ZNF208: variants seen among roughly 807,000 people sequenced by gnomAD.
ZNF208 encodes the protein zinc finger protein 95.
Under a neutral mutation model 12.1 loss-of-function variants are expected in ZNF208, and 10 were observed. The ratio of observed to expected loss-of-function variants is 0.83; its 90% confidence interval spans 0.51 to 1.40. The LOEUF (loss-of-function observed/expected upper bound fraction) is 1.40. Among genes scored for constraint, ZNF208 ranks in the 40% most tolerant of loss-of-function variants. The pLI, the probability that ZNF208 is intolerant of heterozygous loss-of-function variation, is 0.00. For missense variants in ZNF208, 1,652 were observed against 1,485.0 expected (o/e 1.11, Z -1.85); for synonymous variants, 497 against 488.4 (o/e 1.02, Z -0.23).
At chr19:21,975,823 CAAAAAAA>C (rs532995268) in intron 3 of ZNF208, among the ~76,000 whole-genome samples, 12 of 26,432 alleles carry the variant, frequency 4.5e-4, no homozygotes, top group African/African-American at 1.3e-3. Flanking sequence ...AGTCAAAGTC[CAAAAAAA>C]AAAAAAAAAA....
At position 21,972,275 on chromosome 19, in the gene ZNF208, T is replaced by G. The variant is rs1327149334; in HGVS notation, c.2759A>C (p.Glu920Ala). The G allele has an allele frequency of 6.2e-7, 1 of 1,613,860 alleles. No homozygotes were observed. Among genetic ancestry groups the G allele is most frequent in the South Asian group, 1.1e-5 (1 of 91,026 alleles). ...IHTGEKPYKCEECGKAFSWLS... is the reference protein window; with the variant it reads ...IHTGEKPYKCAECGKAFSWLS... ...CCAGCTGAAGGCTTTGCCACATTCT[T>G]CACATTTGTAGGGTTTCTCTCCAGT... is the stretch of plus-strand genomic sequence containing the variant. Residue 920 changes from glutamate to alanine, a missense_variant, in exon 4 of 4, where the codon GAA becomes GCA. Glu to Ala is a moderately radical substitution (Grantham distance 107). Around this residue, in one of 3 missense-constraint regions of ZNF208, gnomAD observed 1,239 missense variants for 1,086.2 expected, o/e 1.14. Transcript: ENST00000397126.
rs1055214903 is a variant in ZNF208, at chr19:21,972,194, C to A, written c.2840G>T (p.Cys947Phe). The A allele has an allele frequency of 6.2e-7, 1 of 1,613,082 alleles. No homozygotes were observed. Among genetic ancestry groups the A allele is most frequent in the East Asian group, 2.2e-5 (1 of 44,800 alleles). ...KTHAGEKFYK[C>F]EACGKAYKSS... is the part of the protein sequence containing the mutation. ...CTTATAGGCTTTGCCACATGCTTCACATTTGTAGAATTTCTCTCCAGCATG... is the reference window on the plus strand; with the variant it reads ...CTTATAGGCTTTGCCACATGCTTCAAATTTGTAGAATTTCTCTCCAGCATG... Residue 947 changes from cysteine (C) to phenylalanine (F), a missense_variant, in exon 4 of 4, where the codon TGT (cysteine) becomes TTT (phenylalanine). Around this residue, in one of 3 missense-constraint regions of ZNF208, gnomAD observed 1,239 missense variants for 1,086.2 expected, o/e 1.14. Coordinates refer to ENST00000397126, the MANE Select transcript of ZNF208 (RefSeq NM_007153.3).
In ZNF208 at chr19:21,974,473, G is replaced by A. The variant is rs764605989; in HGVS notation, c.561C>T (p.His187=). The change falls in exon 4 of 4, where the codon CAC becomes CAT. Residue 187 remains histidine, a synonymous_variant. Transcript: ENST00000397126. Reference sequence around the variant, plus strand: ...TATAAATTCTTTTATGTTGAGATAGGTGTGAAAGCATGCAAAATGATCTGA... The same window carrying A: ...TATAAATTCTTTTATGTTGAGATAGATGTGAAAGCATGCAAAATGATCTGA... The part of the protein sequence containing the change: ...EYVRSFCMLS[H]LSQHKRIYTR... 2 of 1,613,678 alleles carry A rather than the reference G, an allele frequency of 1.2e-6. No individual in the cohort carries two copies. Among genetic ancestry groups the A allele is most frequent in the Admixed American group, 3.3e-5 (2 of 59,960 alleles).
chr19:21,971,079 T>A lies in ZNF208; in HGVS notation c.*112A>T. 1 of 1,612,958 alleles carries A rather than the reference T, an allele frequency of 6.2e-7. No homozygotes were observed. Among genetic ancestry groups the A allele is most frequent in the Non-Finnish European group, 8.5e-7 (1 of 1,179,388 alleles). ...TGTTCCATAAGGTTTGAGGACCAGT[T>A]GAAAGCCTCACCACATTCTTCACAT... On this transcript the variant is annotated 3_prime_UTR_variant, in exon 4 of 4. Coordinates refer to ENST00000397126, the MANE Select transcript of ZNF208 (RefSeq NM_007153.3).
In ZNF208 at chr19:21,969,454, G is replaced by T. The variant is rs1970237518; in HGVS notation, c.*1737C>A. The stretch of plus-strand genomic sequence containing the variant: ...TTAGTGTAATATCTGAAGTTTGAGT[G>T]ACAGGTATTTCTACTGTGAATTAGC... On this transcript the variant is annotated 3_prime_UTR_variant, in exon 4 of 4. Transcript: ENST00000397126. Among the ~76,000 whole-genome samples, 1 of 152,102 alleles carries T rather than the reference G, an allele frequency of 6.6e-6. No individual in the cohort carries two copies. The highest frequency in any genetic ancestry group is 1.5e-5 in the Non-Finnish European group (1 of 68,026).
At chr19:22,001,893 AAAAAAAAAAAAAAAAAAAAAAAAAAAAAG>A (rs1970957969) in intron 1 of ZNF208, among the ~76,000 whole-genome samples, 1 of 33,298 alleles carries the variant, frequency 3.0e-5, no homozygotes. Flanking sequence ...ACTCCATCCC[AAAAAAAAAAAAAAAAAAAAAAAAAAAAAG>A]AAAAAAGAAA....
chr19:22,004,300 G>A (rs1971006980), intron 1 of ZNF208, among the ~76,000 whole-genome samples: 1 of 152,150 alleles, frequency 6.6e-6, no homozygotes, highest in South Asian at 2.1e-4. Context: ...CAGATCACCT[G>A]AAGTAAGGAG....
intron 4 of ZNF208, among the ~76,000 whole-genome samples, chr19:21,949,944 C>T (rs1478426179): frequency 6.6e-6 from 1 of 152,188 alleles, no homozygotes; most frequent in Non-Finnish European, 1.5e-5. Flanking sequence ...AATTTTGCTG[C>T]TAAGGTGATC....
intron 1 of ZNF208, among the ~76,000 whole-genome samples, chr19:22,007,789 C>T (rs1971072312): frequency 6.6e-6 from 1 of 150,830 alleles, no homozygotes; most frequent in Admixed American, 6.6e-5. Flanking sequence ...TACTTGAGGT[C>T]AGAATTTTGA....
chr19:21,989,287 T>C (rs1480943868), intron 1 of ZNF208, among the ~76,000 whole-genome samples: 1 of 134,300 alleles, frequency 7.4e-6, no homozygotes, highest in Non-Finnish European at 1.5e-5. Context: ...CCTTCCGGTG[T>C]CCATGTGTTC....
At chr19:21,994,513 A>G (rs1970795736) in intron 1 of ZNF208, among the ~76,000 whole-genome samples, 1 of 152,034 alleles carries the variant, frequency 6.6e-6, no homozygotes, top group African/African-American at 2.4e-5. Flanking sequence ...GCCGATGTAC[A>G]ATTCTGTTCT....
intron 1 of ZNF208, among the ~76,000 whole-genome samples, chr19:21,992,164 T>C (rs1359955515): frequency 1.3e-5 from 2 of 152,156 alleles, no homozygotes; most frequent in Non-Finnish European, 2.9e-5. Flanking sequence ...AGATACTTGA[T>C]GATGAAGAGA....
chr19:21,965,508 C>T (rs1367416156), downstream of ZNF208, among the ~76,000 whole-genome samples: 3 of 152,008 alleles, frequency 2.0e-5, no homozygotes, highest in African/African-American at 7.2e-5. Context: ...TGTTCAACTA[C>T]AGACTTTCAT....
intron 4 of ZNF208, among the ~76,000 whole-genome samples, chr19:21,950,170 G>T (rs937246053): frequency 6.6e-6 from 1 of 152,116 alleles, no homozygotes; most frequent in Non-Finnish European, 1.5e-5. Context: ...CAAGCTATAA[G>T]TATATTCAGA....
Position 21,974,158 on chromosome 19 carries a change from T to A in ZNF208, c.876A>T (p.Lys292Asn), listed in dbSNP as rs1568445732. The change falls in exon 4 of 4, where the codon AAA (lysine) becomes AAT (asparagine). Residue 292 changes from lysine to asparagine, a missense_variant. Lys to Asn is a moderately conservative substitution (Grantham distance 94, BLOSUM62 0). Around this residue, in one of 3 missense-constraint regions of ZNF208, gnomAD observed 410 missense variants for 378.2 expected, o/e 1.08. Coordinates refer to ENST00000397126, the MANE Select transcript of ZNF208 (RefSeq NM_007153.3). ...EKPNKCEECG[K>N]AFSKVSTLTT... The stretch of plus-strand genomic sequence containing the variant: ...TAAGAGTCGAGACCTTACTAAAGGC[T>A]TTGCCACATTCTTCACATTTGTTGG... 6.2e-7 allele frequency: 1 copy of A among 1,612,208 alleles called. No individual in the cohort carries two copies. Among genetic ancestry groups the A allele is most frequent in the Non-Finnish European group, 8.5e-7 (1 of 1,178,662 alleles).
In ZNF208 at chr19:21,988,796, G is replaced by A. The variant is rs759330675; in HGVS notation, c.117C>T (p.Asn39=). Residue 39 remains asparagine (N), a synonymous_variant, in exon 2 of 4, where the codon AAC becomes AAT. Coordinates refer to ENST00000397126, the MANE Select transcript of ZNF208 (RefSeq NM_007153.3). The stretch of plus-strand genomic sequence containing the variant: ...AGTTATTCTCACCCAGGAAGACCAG[G>A]TTTCTGTAGTTCTCTAACATCACAT... ...YRNVMLENYR[N]LVFLGIAAFK... 1 of 1,614,124 alleles carries A rather than the reference G, an allele frequency of 6.2e-7. No individual in the cohort carries two copies. Among genetic ancestry groups the A allele is most frequent in the Non-Finnish European group, 8.5e-7 (1 of 1,179,984 alleles).
rs1970170767 is a variant in ZNF208, at chr19:21,966,508, T to G, written c.*4683A>C. 1 of 152,098 alleles carries G rather than the reference T, an allele frequency of 6.6e-6. No individual in the cohort carries two copies. 9.4% of individuals were successfully genotyped at this position (152,098 alleles called of 1,614,324 possible). ...ATCATTTTTCTTATCCAATAAAAGATTCATGGGTAACTGGTTAAATTCTGT... is the reference window on the plus strand; with the variant it reads ...ATCATTTTTCTTATCCAATAAAAGAGTCATGGGTAACTGGTTAAATTCTGT... On this transcript the variant is annotated 3_prime_UTR_variant, in exon 4 of 4. Coordinates refer to ENST00000397126, the MANE Select transcript of ZNF208 (RefSeq NM_007153.3).
At chr19:21,993,990 C>A (rs1366737420) in intron 1 of ZNF208, among the ~76,000 whole-genome samples, 1 of 152,122 alleles carries the variant, frequency 6.6e-6, no homozygotes, top group Non-Finnish European at 1.5e-5. Context: ...CTAATAACAC[C>A]CTTTCAGTTG....
chr19:21,940,055 C>T (rs2145506161), intron 4 of ZNF208: 2 of 152,208 alleles, frequency 1.3e-5, no homozygotes, highest in East Asian at 3.9e-4. Context: ...TACCTGTAAT[C>T]CCACCACTTT....
Sources: allele counts gnomAD v4.1 joint callset (sites outside exome capture counted in the v4.1 genomes callset), GRCh38; gene constraint gnomAD v4.1.1; regional missense constraint gnomAD v4.1.1; transcripts MANE v1.5; gene names NCBI Gene and HGNC (gene_info 2026-07-23, HGNC 2026-07-21).